Variants in UBL7 observed in about 807,000 individuals in gnomAD.
UBL7 encodes the protein ubiquitin-like protein 7.
A neutral mutation model predicts 41.7 loss-of-function variants in UBL7; 21 were observed. The ratio of observed to expected loss-of-function variants is 0.50; its 90% CI spans 0.36 to 0.73. The LOEUF is 0.73. UBL7 is among the 30% of genes least tolerant of loss of function. UBL7 has a pLI of 0.00. For synonymous variants in UBL7, 157 were observed against 186.9 expected (o/e 0.84, Z 1.31); for missense variants, 403 against 478.4 (o/e 0.84, Z 1.47).
At chr15:74,456,517 A>T (rs897530614) in intron 3 of UBL7, 35 bp downstream of exon 3, 6 of 1,611,036 alleles carry the variant, frequency 3.7e-6, no homozygotes, top group Non-Finnish European at 5.1e-6. Context: ...GATATTACAG[A>T]AACTCTGCCT....
Position 74,449,346 on chromosome 15 carries a change from C to G in UBL7, c.722G>C (p.Arg241Thr). Reference sequence around the variant, plus strand: ...GGGAGTACTGCTAGAGGGTGTGGACCTGGTGTTCTGGAGAAAGAAGACACT... The same window carrying G: ...GGGAGTACTGCTAGAGGGTGTGGACGTGGTGTTCTGGAGAAAGAAGACACT... ...DDEDDFHPNT[R>T]STPSSSTPSS... The change falls in exon 9 of 11, where the codon AGG (arginine) becomes ACG (threonine). Residue 241 changes from arginine (R) to threonine (T), a missense_variant. By Grantham distance (71) the Arg-to-Thr change is moderately conservative (BLOSUM62 -1). Transcript: ENST00000395081. 6.2e-7 allele frequency: 1 copy of G among 1,614,050 alleles called. No individual in the cohort carries two copies. The highest frequency in any genetic ancestry group is 8.5e-7 in the Non-Finnish European group (1 of 1,179,986).
Position 74,446,032 on chromosome 15 carries a change from T to G in UBL7, c.*58A>C. 2 of 1,588,308 alleles carry G rather than the reference T, an allele frequency of 1.3e-6. No individual in the cohort carries two copies. Among genetic ancestry groups the G allele is most frequent in the East Asian group, 2.2e-5 (1 of 44,534 alleles). On this transcript the variant is annotated 3_prime_UTR_variant, in exon 11 of 11. Transcript: ENST00000395081. The surrounding 1 kb of genome is among the most constrained non-coding windows in gnomAD (Gnocchi z 4.1). The stretch of plus-strand genomic sequence containing the variant: ...GGAGAGATGGAGGCACCTTCATGAG[T>G]GCCTCCCAAGGGCAGTAGCCTCTGC...
rs1403945903 is a variant in UBL7, at chr15:74,451,490, G to A, written c.418C>T (p.Leu140=). ...GGGGTGGCCACAATGATCTGATCCA[G>A]AGACTCCTTATTGCTGAGCATCTTA... ...VFKMLSNKES[L]DQIIVATPGL... The change falls in exon 5 of 11, where the codon CTG becomes TTG. Residue 140 remains leucine (L), a synonymous_variant. Coordinates refer to ENST00000395081, the MANE Select transcript of UBL7 (RefSeq NM_032907.5). 3.1e-6 allele frequency: 5 copies of A among 1,614,002 alleles called. No individual in the cohort carries two copies. The Admixed American group carries it at 8.3e-5, about 27-fold the overall frequency.
chr15:74,449,348 G>C lies in UBL7; in HGVS notation c.720C>G (p.Thr240=), dbSNP rs374544956. The C allele has an allele frequency of 1.2e-4, 195 of 1,613,996 alleles. 1 individual carries two copies. The highest frequency in any genetic ancestry group is 4.8e-4 in the South Asian group (44 of 91,076). Residue 240 remains threonine (T), a synonymous_variant, in exon 9 of 11, where the codon ACC becomes ACG. Transcript: ENST00000395081. ...SDDEDDFHPN[T]RSTPSSSTPS... is the part of the protein sequence containing the mutation. ...GAGTACTGCTAGAGGGTGTGGACCT[G>C]GTGTTCTGGAGAAAGAAGACACTCA...
chr15:74,448,532 G>A lies in UBL7; in HGVS notation c.951C>T (p.Leu317=). 1 of 1,614,200 alleles carries A rather than the reference G, an allele frequency of 6.2e-7. No individual in the cohort carries two copies. The highest frequency in any genetic ancestry group is 8.5e-7 in the Non-Finnish European group (1 of 1,180,004). The change falls in exon 10 of 11, where the codon CTC becomes CTT. Residue 317 remains leucine, a synonymous_variant. Transcript: ENST00000395081. ...GGGCATGCTGTAGGGCTTGGCTGAA[G>A]AGATCATTGGTGATGGGCGTCCCTG... ...VQSGTPITND[L]FSQALQHALQ... is the part of the protein sequence containing the mutation.
At chr15:74,456,427 C>A in intron 3 of UBL7, 125 bp downstream of exon 3, 6 of 1,269,770 alleles carry the variant, frequency 4.7e-6, no homozygotes, top group Non-Finnish European at 6.5e-6. Context: ...ATAAAGATAT[C>A]ATTTATCATC....
chr15:74,449,530 C>T (rs1274296443), intron 8 of UBL7, 96 bp downstream of exon 8: 2 of 1,594,464 alleles, frequency 1.3e-6, no homozygotes, highest in Non-Finnish European at 1.7e-6. Context: ...ATGTCCATCT[C>T]CCAGCCTTGG....
rs1355130408 is a variant in UBL7, at chr15:74,448,782, T to A, written c.883-182A>T. On this transcript the variant is annotated intron_variant, in intron 9 of 10. Transcript: ENST00000395081. Reference sequence around the variant, plus strand: ...AAGCTCTCTATGTGGGCAGGAAAGGTTCCATTCTCTTCTGCACTGAGCCCC... The same window carrying A: ...AAGCTCTCTATGTGGGCAGGAAAGGATCCATTCTCTTCTGCACTGAGCCCC... 2.0e-5 allele frequency among the ~76,000 whole-genome samples: 3 copies of A among 151,928 alleles called. No individual in the cohort carries two copies. The East Asian group carries it at 5.8e-4, about 29-fold the overall frequency.
Position 74,446,241 on chromosome 15 carries a change from G to C in UBL7, c.1006-14C>G. ...CTGCCACTGGCTCTGTGGAAAGATA[G>C]GAATGGGCAGAAGCTGTTAGCTGGG... On this transcript the variant is annotated splice_polypyrimidine_tract_variant and intron_variant, in intron 10 of 10. Transcript: ENST00000395081. This position sits in a 1 kb window ranked among gnomAD's most constrained non-coding sequence, Gnocchi z 4.1. 1.9e-6 allele frequency: 3 copies of C among 1,613,620 alleles called. No individual in the cohort carries two copies. The highest frequency in any genetic ancestry group is 2.2e-5 in the East Asian group (1 of 44,884).
chr15:74,459,778 C>A (rs1484776494), intron 1 of UBL7, among the ~76,000 whole-genome samples: 1 of 151,486 alleles, frequency 6.6e-6, no homozygotes, highest in Non-Finnish European at 1.5e-5. Flanking sequence ...CCAGCCTGGC[C>A]AACATGGTGA....
rs1358148272 is a variant in UBL7 at position 74,458,756 on chromosome 15, A to T, written c.112T>A (p.Tyr38Asn). The change falls in exon 2 of 11, where the codon TAT becomes AAT. Residue 38 changes from tyrosine (Y) to asparagine (N), a missense_variant. Transcript: ENST00000395081. ...AGCTGCTTCAGAAATGAAATACTAT[A>T]GCCCCCTAGCGAGTATTCTCCCAGT... is the stretch of plus-strand genomic sequence containing the variant. The part of the protein sequence containing the change: ...TELGEYSLGG[Y>N]SISFLKQLIA... The T allele has an allele frequency of 2.5e-6, 4 of 1,613,956 alleles. No individual in the cohort carries two copies. Among genetic ancestry groups the T allele is most frequent in the Non-Finnish European group, 3.4e-6 (4 of 1,180,050 alleles).
chr15:74,457,404 A>G (rs2061304828), intron 2 of UBL7, among the ~76,000 whole-genome samples: 1 of 152,176 alleles, frequency 6.6e-6, no homozygotes, highest in Admixed American at 6.5e-5. Flanking sequence ...TTAGCCAGGC[A>G]TGGTGGCAGA....
chr15:74,457,248 A>G (rs1036273286), intron 2 of UBL7, among the ~76,000 whole-genome samples: 4 of 152,224 alleles, frequency 2.6e-5, no homozygotes, highest in Non-Finnish European at 5.9e-5. Context: ...AACCTGGGCC[A>G]TGGCGAAAAT....
chr15:74,456,501 C>T, intron 3 of UBL7, 51 bp downstream of exon 3: 1 of 1,606,646 alleles, frequency 6.2e-7, no homozygotes, highest in Non-Finnish European at 8.5e-7. Context: ...AGATCCTTCC[C>T]TTGCGGATAT....
In UBL7 at chr15:74,458,913, C is replaced by A. The variant is rs2061320389; in HGVS notation, c.-29-17G>T. 1.9e-6 allele frequency: 3 copies of A among 1,599,966 alleles called. No homozygotes were observed. In the East Asian group the frequency reaches 6.7e-5, roughly 36 times the overall value. On this transcript the variant is annotated splice_polypyrimidine_tract_variant and intron_variant, in intron 1 of 10. Coordinates refer to ENST00000395081, the MANE Select transcript of UBL7 (RefSeq NM_032907.5). ...TCTTTCTCCCTGTAAAAGAACAAAACCTCAGTGGTTAAAAGACAGACCACC... is the reference window on the plus strand; with the variant it reads ...TCTTTCTCCCTGTAAAAGAACAAAAACTCAGTGGTTAAAAGACAGACCACC...
At chr15:74,451,354 A>G (rs940901221) in intron 5 of UBL7, 82 bp downstream of exon 5, 1 of 1,240,966 alleles carries the variant, frequency 8.1e-7, no homozygotes, top group Non-Finnish European at 1.2e-6. Flanking sequence ...AAGATAGTCC[A>G]AGTCTCTTTA....
chr15:74,449,522 G>T, intron 8 of UBL7, 104 bp downstream of exon 8: 1 of 1,579,878 alleles, frequency 6.3e-7, no homozygotes, highest in Non-Finnish European at 8.7e-7. Context: ...AATGGCGTAT[G>T]TCCATCTCCC....
rs952201402 is a variant in UBL7, at chr15:74,452,147, C to G, written c.387+149G>C. On this transcript the variant is annotated intron_variant, in intron 4 of 10. Coordinates refer to ENST00000395081, the MANE Select transcript of UBL7 (RefSeq NM_032907.5). The stretch of plus-strand genomic sequence containing the variant: ...AGGCTCTTTGGGGAAAGACAGGGCT[C>G]TACTGAGGCCCACAGACATGGCAAA... 6.6e-5 allele frequency: 46 copies of G among 698,400 alleles called. No homozygotes were observed. The Admixed American group carries it at 1.2e-3, about 18-fold the overall frequency. The allele number at this position is 698,400 out of a possible 1,614,324, so 43.3% of individuals were successfully genotyped here.
chr15:74,459,116 TA>T, intron 1 of UBL7: 1 of 493,622 alleles, frequency 2.0e-6, no homozygotes, highest in Non-Finnish European at 3.7e-6. Flanking sequence ...AACGTGGACA[TA>T]AAAACGCCAT....
Sources: allele counts gnomAD v4.1 joint callset (sites outside exome capture counted in the v4.1 genomes callset), GRCh38; gene constraint gnomAD v4.1.1; non-coding constraint Gnocchi (gnomAD v3.1); transcripts MANE v1.5; gene names NCBI Gene and HGNC (gene_info 2026-07-23, HGNC 2026-07-21).